The following KIRREL3 variants were observed in gnomAD, a reference collection of about 807,000 sequenced individuals.
The protein encoded by KIRREL3 is kirre like nephrin family adhesion molecule 3.
A neutral mutation model predicts 89.7 loss-of-function variants in KIRREL3; 36 were observed. That is an observed-to-expected ratio of 0.40 (90% CI 0.31 to 0.53). The LOEUF is 0.53. Among genes scored for constraint, KIRREL3 ranks in the 20% least tolerant of loss-of-function variants. KIRREL3 has a pLI of 0.49. For synonymous variants in KIRREL3, 445 were observed against 441.4 expected, an observed-to-expected ratio of 1.01 and a Z score of -0.10; for missense variants, 864 against 1,056.6, an observed-to-expected ratio of 0.82 and a Z score of 2.53.
Position 126,772,217 on chromosome 11 carries a change from C to T in KIRREL3, c.56-209305G>A, listed in dbSNP as rs1387068714. Among the ~76,000 whole-genome samples, 1 of 152,160 alleles carries T rather than the reference C, an allele frequency of 6.6e-6. No homozygotes were observed. The highest frequency in any genetic ancestry group is 1.5e-5 in the Non-Finnish European group (1 of 68,032). On this transcript the variant is annotated intron_variant, in intron 1 of 16. Transcript: ENST00000525144. This position sits in a 1 kb window ranked among gnomAD's most constrained non-coding sequence, Gnocchi z 4.6. ...AGTGTTAGTTGGGAGGGAGGATGCA[C>T]TACAAATCAGAAAGAACAGTGCTAA...
Position 126,521,130 on chromosome 11 carries a change from G to C in KIRREL3, c.433+185C>G, listed in dbSNP as rs138845594. Among the ~76,000 whole-genome samples the C allele has an allele frequency of 1.3e-5, 2 of 152,354 alleles. No individual in the cohort carries two copies. Among genetic ancestry groups the C allele is most frequent in the African/African-American group, 4.8e-5 (2 of 41,588 alleles). On this transcript the variant is annotated intron_variant, in intron 4 of 16. Coordinates refer to ENST00000525144, the MANE Select transcript of KIRREL3 (RefSeq NM_032531.4). The surrounding 1 kb of genome is among the most constrained non-coding windows in gnomAD (Gnocchi z 4.1). ...GGCTGTCTGGTTTACTAGGGAAAGA[G>C]CCTTCGCTTGTCCCGTTTGGGTGGG... is the stretch of plus-strand genomic sequence containing the variant.
intron 1 of KIRREL3, among the ~76,000 whole-genome samples, chr11:126,770,475 A>G (rs1949985441): frequency 6.6e-6 from 1 of 152,222 alleles, no homozygotes; most frequent in Non-Finnish European, 1.5e-5. Flanking sequence ...GGGATTCTGA[A>G]TAGATAATAA....
intron 1 of KIRREL3, among the ~76,000 whole-genome samples, chr11:126,693,884 C>T (rs886185411): frequency 5.9e-5 from 9 of 152,226 alleles, no homozygotes; most frequent in East Asian, 5.8e-4. Context: ...CAGGATCCTT[C>T]GGGCTCAGCC....
rs1946220619 is a variant in KIRREL3 at position 126,897,671 on chromosome 11, A to C, written c.55+102784T>G. ...TTGCAGCAAAGCTTATTTTCTGAAG[A>C]TAGATAATTTGGTTAAATCTTTTCC... is the stretch of plus-strand genomic sequence containing the variant. On this transcript the variant is annotated intron_variant, in intron 1 of 16. Coordinates refer to ENST00000525144, the MANE Select transcript of KIRREL3 (RefSeq NM_032531.4). This position sits in a 1 kb window ranked among gnomAD's most constrained non-coding sequence, Gnocchi z 4.2. Among the ~76,000 whole-genome samples the C allele has an allele frequency of 6.6e-6, 1 of 152,226 alleles. No individual in the cohort carries two copies.
chr11:126,712,365 C>G (rs1370866323), intron 1 of KIRREL3, among the ~76,000 whole-genome samples: 4 of 152,106 alleles, frequency 2.6e-5, no homozygotes, highest in Admixed American at 2.6e-4. Context: ...CTGAGTGAGG[C>G]AGGGTCTGGC....
intron 1 of KIRREL3, among the ~76,000 whole-genome samples, chr11:126,629,540 T>C (rs1377158195): frequency 6.6e-6 from 1 of 152,162 alleles, no homozygotes; most frequent in Non-Finnish European, 1.5e-5. Flanking sequence ...GGAGGGACCG[T>C]TGGCTGGATG....
chr11:126,567,243 C>T (rs371075916), intron 1 of KIRREL3, among the ~76,000 whole-genome samples: 2 of 152,178 alleles, frequency 1.3e-5, no homozygotes, highest in African/African-American at 4.8e-5. Context: ...TAGGACGGAC[C>T]TTTATCCTGT....
chr11:126,511,922 G>T (rs1286334678), intron 4 of KIRREL3, among the ~76,000 whole-genome samples: 4 of 152,214 alleles, frequency 2.6e-5, no homozygotes, highest in African/African-American at 9.6e-5. Context: ...CTGTGCAGCT[G>T]CAGCTCCCCT....
chr11:126,675,077 A>G (rs1378438519), intron 1 of KIRREL3, among the ~76,000 whole-genome samples: 1 of 152,216 alleles, frequency 6.6e-6, no homozygotes, highest in Non-Finnish European at 1.5e-5. Context: ...GTTGCCTGCC[A>G]GGCCCCACTC....
intron 7 of KIRREL3, among the ~76,000 whole-genome samples, chr11:126,450,931 ATGTGTGTGGGCG>A (rs1045778649): frequency 1.7e-5 from 2 of 121,070 alleles, no homozygotes; most frequent in African/African-American, 6.4e-5. Context: ...GCATGTGTGC[ATGTGTGTGGGCG>A]TGTGTGCATG....
At chr11:126,573,162 G>A (rs1257854536) in intron 1 of KIRREL3, among the ~76,000 whole-genome samples, 1 of 152,180 alleles carries the variant, frequency 6.6e-6, no homozygotes, top group African/African-American at 2.4e-5. Flanking sequence ...GCACGTCCTT[G>A]CCCCCAGCCA....
rs1191088372 is a variant in KIRREL3 at position 126,561,391 on chromosome 11, C to A, written c.133+1444G>T. Among the ~76,000 whole-genome samples the A allele has an allele frequency of 6.6e-6, 1 of 152,242 alleles. No individual in the cohort carries two copies. Among genetic ancestry groups the A allele is most frequent in the East Asian group, 1.9e-4 (1 of 5,206 alleles). On this transcript the variant is annotated intron_variant, in intron 2 of 16. Transcript: ENST00000525144. The surrounding 1 kb of genome is among the most constrained non-coding windows in gnomAD (Gnocchi z 4.5). ...GCTATGGGTTTCAATTCCAGCCCAG[C>A]TCCTGACTTTTTGGCTTCCCCAATC...
rs1958275287 is a variant in KIRREL3 at position 126,513,010 on chromosome 11, C to T, written c.433+8305G>A. ...GGGCAGGAGTGAATGCGTCCCAGCT[C>T]CCCAGTGAGGGCCGTTTGTCCTGCT... On this transcript the variant is annotated intron_variant, in intron 4 of 16. Transcript: ENST00000525144. The surrounding 1 kb of genome is among the most constrained non-coding windows in gnomAD (Gnocchi z 5.9). Among the ~76,000 whole-genome samples the T allele has an allele frequency of 6.6e-6, 1 of 152,206 alleles. No homozygotes were observed. The highest frequency in any genetic ancestry group is 2.1e-4 in the South Asian group (1 of 4,824).
In KIRREL3 at chr11:126,709,339, C is replaced by G. The variant is rs138751914; in HGVS notation, c.56-146427G>C. On this transcript the variant is annotated intron_variant, in intron 1 of 16. Coordinates refer to ENST00000525144, the MANE Select transcript of KIRREL3 (RefSeq NM_032531.4). This position sits in a 1 kb window ranked among gnomAD's most constrained non-coding sequence, Gnocchi z 4.0. ...GTTCCAATCAGTCCTATCTCTTCCC[C>G]GGGAGTAGGGGTGGAGGGGCAGCAC... Among the ~76,000 whole-genome samples the G allele has an allele frequency of 5.8e-4, 89 of 152,228 alleles. No homozygotes were observed. Among genetic ancestry groups the G allele is most frequent in the African/African-American group, 2.0e-3 (84 of 41,548 alleles).
At chr11:126,556,111 C>T (rs538358773) in intron 2 of KIRREL3, among the ~76,000 whole-genome samples, 43 of 152,274 alleles carry the variant, frequency 2.8e-4, no homozygotes, top group Middle Eastern at 3.4e-3. Context: ...ATTTGCATTT[C>T]GAAACACTGC....
rs1448537875 is a variant in KIRREL3, at chr11:127,000,742, T to C, written c.-233A>G. 1 of 537,696 alleles carries C rather than the reference T, an allele frequency of 1.9e-6. No individual in the cohort carries two copies. The highest frequency in any genetic ancestry group is 1.9e-5 in the African/African-American group (1 of 51,988). 33.3% of individuals were successfully genotyped at this position (537,696 alleles called of 1,614,324 possible). ...CTCGGGAAGCCGGGATTGTCAGCAA[T>C]GTCCCCACTCGGAGAAGATCCATTC... On this transcript the variant is annotated 5_prime_UTR_variant, in exon 1 of 17. Transcript: ENST00000525144. The surrounding 1 kb of genome is among the most constrained non-coding windows in gnomAD (Gnocchi z 7.1).
chr11:126,833,534 C>A (rs905011730), intron 1 of KIRREL3, among the ~76,000 whole-genome samples: 1 of 152,234 alleles, frequency 6.6e-6, no homozygotes, highest in Non-Finnish European at 1.5e-5. Flanking sequence ...ATCAGCAGCC[C>A]TCCCTTTGGA....
intron 6 of KIRREL3, among the ~76,000 whole-genome samples, chr11:126,460,964 T>C (rs1323789644): frequency 2.6e-5 from 4 of 152,272 alleles, no homozygotes; most frequent in Admixed American, 2.0e-4. Flanking sequence ...GTGGTGGTGG[T>C]GGCAGTGAAT....
rs2134561603 is a variant in KIRREL3 at position 126,557,047 on chromosome 11, A to C, written c.133+5788T>G. 6.6e-6 allele frequency among the ~76,000 whole-genome samples: 1 copy of C among 152,282 alleles called. No homozygotes were observed. The highest frequency in any genetic ancestry group is 2.1e-4 in the South Asian group (1 of 4,822). On this transcript the variant is annotated intron_variant, in intron 2 of 16. Coordinates refer to ENST00000525144, the MANE Select transcript of KIRREL3 (RefSeq NM_032531.4). The surrounding 1 kb of genome is among the most constrained non-coding windows in gnomAD (Gnocchi z 5.6). ...GTGGAGGAATGGGCTCAGGAAAATG[A>C]CTGTGGCCCTTAGCGCGAGCCAGAC...
Sources: gnomAD v4.1 joint callset for allele counts (sites outside exome capture counted in the v4.1 genomes callset) on GRCh38, gnomAD v4.1.1 for gene constraint, Gnocchi (gnomAD v3.1) non-coding constraint, MANE v1.5 for transcripts, NCBI Gene and HGNC (gene_info 2026-07-23, HGNC 2026-07-21) for gene names.